PCDHGA4: variants seen among roughly 807,000 people sequenced by gnomAD.
PCDHGA4 encodes protocadherin gamma-A4.
PCDHGA4 carries 38 observed loss-of-function variants against 54.6 expected under a neutral mutation model. The observed-to-expected ratio is 0.70, with a 90% CI of 0.54 to 0.91. The LOEUF is 0.91. Among genes scored for constraint, PCDHGA4 ranks in the 40% least tolerant of loss-of-function variants. The probability of loss-of-function intolerance (pLI) is 0.00; values close to 1 mark genes in which losing one functional copy is unlikely to be tolerated. For synonymous variants in PCDHGA4, 511 were observed against 512.9 expected, an observed-to-expected ratio of 1.00 and a Z score of 0.05; for missense variants, 1,298 against 1,220.9, an observed-to-expected ratio of 1.06 and a Z score of -0.94.
chr5:141,429,389 A>ATTT (rs1561841246), intron 1 of PCDHGA4, among the ~76,000 whole-genome samples: 155 of 147,652 alleles, frequency 1.0e-3, no homozygotes, highest in African/African-American at 3.7e-3. Flanking sequence ...TTTTTTTTTA[A>ATTT]AAAAAATTGA....
Position 141,486,445 on chromosome 5 carries a change from G to A in PCDHGA4, c.2515-8362G>A. On this transcript the variant is annotated intron_variant, in intron 1 of 3. Coordinates refer to ENST00000571252, the MANE Select transcript of PCDHGA4 (RefSeq NM_018917.4). The surrounding 1 kb of genome is among the most constrained non-coding windows in gnomAD (Gnocchi z 5.0). ...AGGCCAAATCTAGCTATGACATCAT[G>A]GTCACTGCTTCTGATGCTGGGAACC... 6.2e-7 allele frequency: 1 copy of A among 1,613,948 alleles called. No homozygotes were observed. The highest frequency in any genetic ancestry group is 8.5e-7 in the Non-Finnish European group (1 of 1,179,862).
chr5:141,464,853 C>A (rs1441161135), intron 1 of PCDHGA4, among the ~76,000 whole-genome samples: 1 of 151,778 alleles, frequency 6.6e-6, no homozygotes, highest in East Asian at 1.9e-4. Flanking sequence ...ATCCTCCTAC[C>A]TTAGCCTCCC....
intron 1 of PCDHGA4, chr5:141,384,992 C>A (rs536147893): frequency 6.2e-7 from 1 of 1,614,146 alleles, no homozygotes; most frequent in Admixed American, 1.7e-5. Context: ...GTGGCGGTGG[C>A]CACAGTCTCC....
chr5:141,364,362 G>C, intron 1 of PCDHGA4: 1 of 1,560,576 alleles, frequency 6.4e-7, no homozygotes, highest in Non-Finnish European at 8.7e-7. Flanking sequence ...TGGGGCTGCG[G>C]AGAGCTGCTG....
intron 1 of PCDHGA4, chr5:141,366,528 C>A (rs777450935): frequency 4.3e-6 from 7 of 1,614,210 alleles, no homozygotes; most frequent in South Asian, 1.1e-5. Flanking sequence ...AGCAGGTTGG[C>A]GGGTGTGCCC....
intron 1 of PCDHGA4, among the ~76,000 whole-genome samples, chr5:141,462,990 A>T (rs181384059): frequency 1.8e-3 from 278 of 152,244 alleles, no homozygotes; most frequent in Non-Finnish European, 3.4e-3. Context: ...GCCTTGGGCT[A>T]ATTTAGACCT....
Position 141,356,885 on chromosome 5 carries a change from T to A in PCDHGA4, c.1778T>A (p.Ile593Asn). The change falls in exon 1 of 4, where the codon ATC becomes AAC. Residue 593 changes from isoleucine (I) to asparagine (N), a missense_variant. By Grantham distance (149) the Ile-to-Asn change is moderately radical. Transcript: ENST00000571252. ...VLDQNDNVPE[I>N]LYPTFPTDGS... ...GACCAGAACGACAATGTCCCTGAGA[T>A]CCTGTACCCCACCTTCCCTACTGAT... The A allele has an allele frequency of 1.2e-6, 2 of 1,614,172 alleles. No homozygotes were observed. Among genetic ancestry groups the A allele is most frequent in the Non-Finnish European group, 1.7e-6 (2 of 1,180,020 alleles).
At chr5:141,361,044 A>C (rs757892379) in intron 1 of PCDHGA4, 6 of 1,613,540 alleles carry the variant, frequency 3.7e-6, no homozygotes, top group East Asian at 2.2e-5. Context: ...AAATCACGAC[A>C]AAGGATGATT....
At chr5:141,389,860 ACC>A (rs2091950057) in intron 1 of PCDHGA4, 1 of 1,613,934 alleles carries the variant, frequency 6.2e-7, no homozygotes, top group Non-Finnish European at 8.5e-7. Context: ...GCCACGTTGC[ACC>A]TGGTCTTCGC....
At chr5:141,465,144 T>A (rs965605798) in intron 1 of PCDHGA4, among the ~76,000 whole-genome samples, 4 of 152,008 alleles carry the variant, frequency 2.6e-5, no homozygotes, top group Admixed American at 6.6e-5. Flanking sequence ...TTAGGGGATA[T>A]ATGAAGGGAC....
chr5:141,390,276 C>G (rs1475873829), intron 1 of PCDHGA4: 5 of 1,613,990 alleles, frequency 3.1e-6, no homozygotes, highest in Non-Finnish European at 4.2e-6. Context: ...ATTGACTTCC[C>G]ATCAGGTGAG....
chr5:141,423,656 A>G (rs988976310), intron 1 of PCDHGA4: 2 of 1,571,854 alleles, frequency 1.3e-6, no homozygotes, highest in African/African-American at 1.4e-5. Context: ...CCGACAAGTA[A>G]TCAGGTGAGA....
intron 2 of PCDHGA4, among the ~76,000 whole-genome samples, chr5:141,501,334 C>T (rs1462003251): frequency 6.9e-6 from 1 of 145,376 alleles, no homozygotes; most frequent in Non-Finnish European, 1.5e-5. Context: ...CACACACACA[C>T]CCCAAACTCA....
chr5:141,361,134 CCAAG>C lies in PCDHGA4; in HGVS notation c.2514+3514_2514+3517del, dbSNP rs750013813. 191 of 1,613,798 alleles carry C rather than the reference CCAAG, an allele frequency of 1.2e-4. 1 individual carries two copies. The Admixed American group carries it at 3.2e-3, about 27-fold the overall frequency. On this transcript the variant is annotated intron_variant, in intron 1 of 3. Transcript: ENST00000571252. ...GAGATCTAGCAGCCCACTGCAGTAT[CCAAG>C]TTGAAATTCTTGATGACAACGATTG...
chr5:141,423,811 T>G, intron 1 of PCDHGA4: 1 of 1,254,642 alleles, frequency 8.0e-7, no homozygotes, highest in Non-Finnish European at 1.0e-6. Flanking sequence ...ACATGTGAGT[T>G]TTACTTTGCC....
In PCDHGA4 at chr5:141,486,671, C is replaced by A. The variant is rs1307620045; in HGVS notation, c.2515-8136C>A. On this transcript the variant is annotated intron_variant, in intron 1 of 3. Coordinates refer to ENST00000571252, the MANE Select transcript of PCDHGA4 (RefSeq NM_018917.4). The surrounding 1 kb of genome is among the most constrained non-coding windows in gnomAD (Gnocchi z 5.0). The stretch of plus-strand genomic sequence containing the variant: ...CTACTCACTCCTGGAGCCCAGGAAT[C>A]GAGATGTATCAGCTTCCTCTTTCAT... 1.9e-6 allele frequency: 3 copies of A among 1,614,044 alleles called. No individual in the cohort carries two copies. The highest frequency in any genetic ancestry group is 2.5e-6 in the Non-Finnish European group (3 of 1,180,014).
intron 1 of PCDHGA4, among the ~76,000 whole-genome samples, chr5:141,483,208 G>A (rs1195144442): frequency 6.6e-6 from 1 of 152,196 alleles, no homozygotes; most frequent in East Asian, 1.9e-4. Context: ...ATTCCATATA[G>A]ATGACAGTCA....
chr5:141,467,162 C>T (rs765574629), intron 1 of PCDHGA4, among the ~76,000 whole-genome samples: 1 of 151,724 alleles, frequency 6.6e-6, no homozygotes, highest in Non-Finnish European at 1.5e-5. Flanking sequence ...AAGTGATTCT[C>T]ATCTCTCAGC....
chr5:141,438,635 TACACACACACACACAC>T (rs56854727), intron 1 of PCDHGA4, among the ~76,000 whole-genome samples: 7 of 33,414 alleles, frequency 2.1e-4, no homozygotes, highest in Non-Finnish European at 3.7e-4. Flanking sequence ...TATATATATA[TACACACACACACACAC>T]ATATATGTAT....
Sources: gnomAD v4.1 joint callset for allele counts (sites outside exome capture counted in the v4.1 genomes callset) on GRCh38, gnomAD v4.1.1 for gene constraint, Gnocchi (gnomAD v3.1) non-coding constraint, MANE v1.5 for transcripts, NCBI Gene and HGNC (gene_info 2026-07-23, HGNC 2026-07-21) for gene names.